The following PRKD1 variants were observed in gnomAD, a reference collection of about 807,000 sequenced individuals.
The protein encoded by PRKD1 is serine/threonine-protein kinase D1.
Under a neutral mutation model 95.9 loss-of-function variants are expected in PRKD1, and 63 were observed. The observed-to-expected ratio is 0.66, with a 90% CI of 0.54 to 0.81. The LOEUF (loss-of-function observed/expected upper bound fraction) is 0.81. Among genes scored for constraint, PRKD1 ranks in the 30% least tolerant of loss-of-function variants. The pLI, the probability that PRKD1 is intolerant of heterozygous loss-of-function variation, is 0.00. For missense variants in PRKD1, 1,048 were observed against 1,165.3 expected (o/e 0.90, Z 1.47); for synonymous variants, 425 against 423.1 (o/e 1.00, Z -0.05).
chr14:29,616,243 CAAAAAAAAAA>C (rs72142312), intron 13 of PRKD1, among the ~76,000 whole-genome samples: 4 of 33,958 alleles, frequency 1.2e-4, no homozygotes, highest in Non-Finnish European at 1.9e-4. Flanking sequence ...AGAGTATGGC[CAAAAAAAAAA>C]AAAAAAAAAA....
At chr14:29,616,124 C>T (rs887124386) in intron 13 of PRKD1, among the ~76,000 whole-genome samples, 2 of 148,566 alleles carry the variant, frequency 1.3e-5, no homozygotes, top group African/African-American at 2.5e-5. Flanking sequence ...TGGAGGGAAA[C>T]GTTTAGGAAG....
At chr14:29,774,860 C>T (rs187716215) in intron 1 of PRKD1, among the ~76,000 whole-genome samples, 30 of 152,140 alleles carry the variant, frequency 2.0e-4, no homozygotes, top group African/African-American at 6.7e-4. Context: ...TTGCATTCTT[C>T]CACAGGAAAG....
At chr14:29,885,561 A>G (rs1893671807) in intron 1 of PRKD1, among the ~76,000 whole-genome samples, 1 of 152,296 alleles carries the variant, frequency 6.6e-6, no homozygotes, top group East Asian at 1.9e-4. Context: ...CTTATTTAAA[A>G]AAAAACTAAA....
At chr14:29,843,575 CAAACATTT>C (rs1891955772) in intron 1 of PRKD1, among the ~76,000 whole-genome samples, 1 of 152,150 alleles carries the variant, frequency 6.6e-6, no homozygotes, top group African/African-American at 2.4e-5. Flanking sequence ...AATGGCTAGT[CAAACATTT>C]TTATGCATTC....
At chr14:29,777,608 T>C (rs571205221) in intron 1 of PRKD1, among the ~76,000 whole-genome samples, 1 of 152,276 alleles carries the variant, frequency 6.6e-6, no homozygotes, top group Admixed American at 6.5e-5. Flanking sequence ...CCTAAATATA[T>C]ATGAACCCAA....
chr14:29,622,255 G>A (rs1248699439), intron 13 of PRKD1, among the ~76,000 whole-genome samples: 1 of 151,970 alleles, frequency 6.6e-6, no homozygotes, highest in Non-Finnish European at 1.5e-5. Flanking sequence ...CCTGTTGTTC[G>A]GCCCAGTTCC....
At chr14:29,707,873 C>T (rs10149845) in intron 2 of PRKD1, among the ~76,000 whole-genome samples, 77,371 of 151,736 alleles carry the variant, frequency 0.51, 21,879 homozygotes, top group African/African-American at 0.76. Context: ...ATAAGATGGC[C>T]CCTGGGATAC....
At chr14:29,787,847 T>C (rs1889345624) in intron 1 of PRKD1, among the ~76,000 whole-genome samples, 1 of 152,196 alleles carries the variant, frequency 6.6e-6, no homozygotes, top group Non-Finnish European at 1.5e-5. Flanking sequence ...AAGGTTGCTA[T>C]TGATAGATGA....
intron 4 of PRKD1, among the ~76,000 whole-genome samples, chr14:29,655,742 T>A (rs1881796596): frequency 6.6e-6 from 1 of 152,066 alleles, no homozygotes; most frequent in African/African-American, 2.4e-5. Flanking sequence ...TTGTGTTTTT[T>A]CCATATATAA....
chr14:29,832,724 T>C (rs1891461925), intron 1 of PRKD1, among the ~76,000 whole-genome samples: 2 of 152,138 alleles, frequency 1.3e-5, no homozygotes, highest in Non-Finnish European at 2.9e-5. Flanking sequence ...ATTTGAATAC[T>C]ATTCATTTGC....
At chr14:29,710,538 C>T (rs546208379) in intron 2 of PRKD1, among the ~76,000 whole-genome samples, 6 of 152,136 alleles carry the variant, frequency 3.9e-5, no homozygotes, top group African/African-American at 7.2e-5. Flanking sequence ...CCATGAAAAA[C>T]GAGGAAAGTC....
chr14:29,606,971 T>C (rs972356425), intron 13 of PRKD1, among the ~76,000 whole-genome samples: 12 of 152,332 alleles, frequency 7.9e-5, no homozygotes, highest in Admixed American at 3.9e-4. Flanking sequence ...AGGTGAGTTA[T>C]CTAAACTCTC....
chr14:29,850,255 A>G (rs1485102822), intron 1 of PRKD1, among the ~76,000 whole-genome samples: 2 of 152,130 alleles, frequency 1.3e-5, no homozygotes, highest in East Asian at 1.9e-4. Flanking sequence ...AAGAAAAAGA[A>G]TAAGTCAAAT....
rs574614902 is a variant in PRKD1, at chr14:29,716,030, C to T, written c.403+9506G>A. Among the ~76,000 whole-genome samples the T allele has an allele frequency of 1.2e-3, 190 of 152,208 alleles. 3 individuals carry two copies. The South Asian group carries it at 0.023, about 19-fold the overall frequency. On this transcript the variant is annotated intron_variant, in intron 2 of 17. Coordinates refer to ENST00000331968, the MANE Select transcript of PRKD1 (RefSeq NM_002742.3). ...GGCACTTACATAAATTAGACCAGAC[C>T]GTTAAACTTCCATTCTAAGAAGCAA... is the stretch of plus-strand genomic sequence containing the variant.
At chr14:29,631,728 A>C (rs1002234105) in intron 9 of PRKD1, among the ~76,000 whole-genome samples, 7 of 151,840 alleles carry the variant, frequency 4.6e-5, no homozygotes, top group Admixed American at 4.6e-4. Context: ...TTGAACTCCT[A>C]ACCTCATGCT....
chr14:29,632,088 A>G (rs1241341207), intron 9 of PRKD1, among the ~76,000 whole-genome samples: 3 of 152,204 alleles, frequency 2.0e-5, no homozygotes, highest in Non-Finnish European at 2.9e-5. Context: ...GGCATGAGCC[A>G]CTGCGCCTGG....
At chr14:29,896,243 G>A (rs1894119710) in intron 1 of PRKD1, among the ~76,000 whole-genome samples, 1 of 152,140 alleles carries the variant, frequency 6.6e-6, no homozygotes, top group Non-Finnish European at 1.5e-5. Context: ...GTTTTCCTAT[G>A]TAATTAATAT....
At chr14:29,755,765 A>C (rs1205207327) in intron 1 of PRKD1, among the ~76,000 whole-genome samples, 3 of 152,056 alleles carry the variant, frequency 2.0e-5, no homozygotes, top group African/African-American at 7.2e-5. Flanking sequence ...AGAAGAACCC[A>C]TTTTCTACTT....
intron 1 of PRKD1, chr14:29,811,986 G>A (rs997066310): frequency 6.6e-6 from 1 of 152,122 alleles, no homozygotes; most frequent in African/African-American, 2.4e-5. Context: ...ACACAAGGAT[G>A]ACATACAAAT....
Sources: gnomAD v4.1 joint callset for allele counts (sites outside exome capture counted in the v4.1 genomes callset) on GRCh38, gnomAD v4.1.1 for gene constraint, MANE v1.5 for transcripts, NCBI Gene and HGNC (gene_info 2026-07-23, HGNC 2026-07-21) for gene names.